Variants in FSTL4 observed in about 807,000 individuals in gnomAD.
FSTL4 encodes the protein follistatin like 4.
Under a neutral mutation model 78.2 loss-of-function variants are expected in FSTL4, and 28 were observed. The observed-to-expected ratio is 0.36, with a 90% CI of 0.27 to 0.49. The LOEUF is 0.49. Ranked by LOEUF, FSTL4 falls within the 20% of genes least tolerant of loss-of-function variation. FSTL4 has a pLI of 0.98. For missense variants in FSTL4, 922 were observed against 1,084.9 expected (o/e 0.85, Z 2.11); for synonymous variants, 422 against 440.5 (o/e 0.96, Z 0.53).
the FSTL4 span, among the ~76,000 whole-genome samples, chr5:133,721,216 AT>A: frequency 6.6e-6 from 1 of 152,100 alleles, no homozygotes; most frequent in African/African-American, 2.4e-5. Context: ...CAATTTACAT[AT>A]TTTTATATTG....
chr5:133,715,693 G>A, the FSTL4 span, among the ~76,000 whole-genome samples: 1 of 152,280 alleles, frequency 6.6e-6, no homozygotes, highest in South Asian at 2.1e-4. Context: ...GGACTCCCCT[G>A]TTTGATTTTG....
At chr5:133,387,048 G>T (rs1206333370) in intron 4 of FSTL4, among the ~76,000 whole-genome samples, 2 of 152,212 alleles carry the variant, frequency 1.3e-5, no homozygotes, top group African/African-American at 4.8e-5. Flanking sequence ...AGTTGCAAGT[G>T]CCAAGTCTGG....
chr5:133,808,882 C>G, the FSTL4 span, among the ~76,000 whole-genome samples: 1 of 148,738 alleles, frequency 6.7e-6, no homozygotes, highest in Admixed American at 6.8e-5. Flanking sequence ...CCCCCGCACA[C>G]AAACAAAACA....
the FSTL4 span, among the ~76,000 whole-genome samples, chr5:133,675,294 A>C: frequency 6.6e-6 from 1 of 152,182 alleles, no homozygotes; most frequent in Non-Finnish European, 1.5e-5. Flanking sequence ...GAAAAGTGGG[A>C]AGTGTGTTTT....
the FSTL4 span, among the ~76,000 whole-genome samples, chr5:133,697,038 G>A: frequency 3.3e-3 from 501 of 152,350 alleles, 6 homozygotes; most frequent in African/African-American, 0.012. Context: ...GGGCGATTAG[G>A]AGGAATGAGT....
chr5:133,612,972 A>C (rs914437244), upstream of FSTL4, among the ~76,000 whole-genome samples: 3 of 152,072 alleles, frequency 2.0e-5, no homozygotes, highest in Non-Finnish European at 4.4e-5. The surrounding 1 kb of genome is among the most constrained non-coding windows in gnomAD (Gnocchi z 6.2). Flanking sequence ...CGCCGTTGAG[A>C]CCCAACAACC....
chr5:133,743,190 C>A, the FSTL4 span, among the ~76,000 whole-genome samples: 24 of 152,170 alleles, frequency 1.6e-4, 1 homozygote, highest in African/African-American at 5.5e-4. Context: ...ACTGCAGAGT[C>A]CAAGCTCTCA....
the FSTL4 span, among the ~76,000 whole-genome samples, chr5:133,797,661 G>A: frequency 6.6e-6 from 1 of 152,046 alleles, no homozygotes; most frequent in Admixed American, 6.5e-5. Flanking sequence ...TAGTCCTTTG[G>A]GGGTGCTTAG....
chr5:133,226,950 C>T (rs55688690), intron 8 of FSTL4, among the ~76,000 whole-genome samples: 29,988 of 152,096 alleles, frequency 0.2, 3,016 homozygotes, highest in East Asian at 0.28. Context: ...AAAAACTCCA[C>T]GGCCTCCCTG....
At chr5:133,279,660 T>G (rs1752967773) in intron 6 of FSTL4, among the ~76,000 whole-genome samples, 1 of 152,164 alleles carries the variant, frequency 6.6e-6, no homozygotes. Flanking sequence ...GGTAGGCCTA[T>G]GAGACCCACG....
intron 3 of FSTL4, among the ~76,000 whole-genome samples, chr5:133,430,838 G>T (rs959351328): frequency 4.6e-5 from 7 of 152,154 alleles, no homozygotes; most frequent in Non-Finnish European, 1.0e-4. Flanking sequence ...ATACAGGGGG[G>T]TCAGCAGAGT....
chr5:133,534,346 G>C (rs1482470390), intron 3 of FSTL4, among the ~76,000 whole-genome samples: 1 of 152,152 alleles, frequency 6.6e-6, no homozygotes, highest in African/African-American at 2.4e-5. Flanking sequence ...CTGCCTTCTA[G>C]AATTTGGTTC....
At chr5:133,605,899 G>T (rs1372141571) in intron 1 of FSTL4, among the ~76,000 whole-genome samples, 1 of 152,124 alleles carries the variant, frequency 6.6e-6, no homozygotes, top group Non-Finnish European at 1.5e-5. Flanking sequence ...ACACTCTGAA[G>T]AAGGCAGAGT....
At chr5:133,820,338 C>T in the FSTL4 span, among the ~76,000 whole-genome samples, 1 of 152,244 alleles carries the variant, frequency 6.6e-6, no homozygotes, top group Non-Finnish European at 1.5e-5. Flanking sequence ...CAAATTCCCA[C>T]ATTTGTGACG....
the FSTL4 span, among the ~76,000 whole-genome samples, chr5:133,621,214 T>C: frequency 6.6e-6 from 1 of 152,154 alleles, no homozygotes; most frequent in African/African-American, 2.4e-5. Flanking sequence ...TCCTGGCTAA[T>C]ACGGTGAAAC....
the FSTL4 span, among the ~76,000 whole-genome samples, chr5:133,838,408 A>G: frequency 6.6e-6 from 1 of 152,250 alleles, no homozygotes; most frequent in East Asian, 1.9e-4. Flanking sequence ...GGAGCAGCTC[A>G]ACTGGACAAT....
chr5:133,601,099 G>C (rs576197187), intron 2 of FSTL4, among the ~76,000 whole-genome samples: 41 of 152,322 alleles, frequency 2.7e-4, no homozygotes, highest in South Asian at 1.0e-3. Context: ...GCTGCTCACA[G>C]ATTTGCTGGG....
At chr5:133,484,380 C>T (rs775817586) in intron 3 of FSTL4, among the ~76,000 whole-genome samples, 6 of 152,248 alleles carry the variant, frequency 3.9e-5, no homozygotes, top group South Asian at 2.1e-4. Context: ...TTTCTTCACT[C>T]GGTTTTCTTA....
At chr5:133,737,831 C>T in the FSTL4 span, among the ~76,000 whole-genome samples, 23 of 152,190 alleles carry the variant, frequency 1.5e-4, no homozygotes, top group African/African-American at 5.1e-4. Context: ...TCTCGAACTC[C>T]TGACCTCGTG....
Sources: gnomAD v4.1 joint callset for allele counts (sites outside exome capture counted in the v4.1 genomes callset) on GRCh38, gnomAD v4.1.1 for gene constraint, Gnocchi (gnomAD v3.1) non-coding constraint, MANE v1.5 for transcripts, NCBI Gene and HGNC (gene_info 2026-07-23, HGNC 2026-07-21) for gene names.